CNTN4: variants seen among roughly 807,000 people sequenced by gnomAD.
CNTN4 encodes the protein contactin 4.
Under a neutral mutation model 122.5 loss-of-function variants are expected in CNTN4, and 77 were observed. That is an observed-to-expected ratio of 0.63 (90% confidence interval 0.52 to 0.76). The LOEUF (loss-of-function observed/expected upper bound fraction) is 0.76, where lower values mean the gene tolerates loss of function less well. Ranked by LOEUF, CNTN4 falls within the 30% of genes least tolerant of loss-of-function variation. CNTN4 has a pLI of 0.00. For missense variants in CNTN4, 1,256 were observed against 1,259.1 expected (o/e 1.00, Z 0.04); for synonymous variants, 512 against 447.0 (o/e 1.15, Z -1.83).
intron 10 of CNTN4, among the ~76,000 whole-genome samples, chr3:2,893,714 A>G (rs954292482): frequency 2.2e-4 from 33 of 152,208 alleles, no homozygotes; most frequent in African/African-American, 7.5e-4. Flanking sequence ...AATTCAAGTC[A>G]TCTCACTCTA....
At chr3:2,298,481 G>GA (rs2042390150) in intron 2 of CNTN4, among the ~76,000 whole-genome samples, 2 of 151,892 alleles carry the variant, frequency 1.3e-5, no homozygotes, top group Admixed American at 1.3e-4. Context: ...AAATGCCCTT[G>GA]AAAAAAATGG....
intron 3 of CNTN4, among the ~76,000 whole-genome samples, chr3:2,520,289 T>G (rs2077164615): frequency 9.2e-6 from 1 of 109,000 alleles, no homozygotes; most frequent in Non-Finnish European, 2.0e-5. Context: ...TTTTTTTTTT[T>G]TGAGATTGAG....
chr3:2,540,398 A>C (rs2077986541), intron 3 of CNTN4, among the ~76,000 whole-genome samples: 1 of 152,004 alleles, frequency 6.6e-6, no homozygotes, highest in African/African-American at 2.4e-5. Context: ...TTTCTCTTGC[A>C]GCAAAACAGA....
intron 2 of CNTN4, among the ~76,000 whole-genome samples, chr3:2,330,383 G>A (rs1211342453): frequency 6.6e-6 from 1 of 152,114 alleles, no homozygotes; most frequent in Admixed American, 6.5e-5. Context: ...CCATTGGCCA[G>A]TGGTGGTTGA....
At chr3:2,320,319 A>G (rs1410501080) in intron 2 of CNTN4, among the ~76,000 whole-genome samples, 1 of 152,198 alleles carries the variant, frequency 6.6e-6, no homozygotes, top group Non-Finnish European at 1.5e-5. Flanking sequence ...GCTACTTAAT[A>G]AAAAGTAATC....
In CNTN4 at chr3:2,106,522, A is replaced by G. The variant is rs140005861; in HGVS notation, c.-145+5883A>G. 5.1e-4 allele frequency among the ~76,000 whole-genome samples: 78 copies of G among 152,332 alleles called. 1 individual carries two copies. Among genetic ancestry groups the G allele is most frequent in the Non-Finnish European group, 4.1e-4 (28 of 68,028 alleles). On this transcript the variant is annotated intron_variant, in intron 2 of 24. Coordinates refer to ENST00000418658, the MANE Select transcript of CNTN4 (RefSeq NM_175607.3). ...CTTGGGGCTTACACCTTCCGAAGCAACAGCTTGAGCTATACCTTGGCCCCT... is the reference window on the plus strand; with the variant it reads ...CTTGGGGCTTACACCTTCCGAAGCAGCAGCTTGAGCTATACCTTGGCCCCT...
At chr3:2,729,720 C>G (rs539367370) in intron 4 of CNTN4, among the ~76,000 whole-genome samples, 7 of 152,048 alleles carry the variant, frequency 4.6e-5, no homozygotes, top group African/African-American at 1.7e-4. Context: ...CGAGACCGGC[C>G]TGACCAACAT....
At chr3:2,923,886 C>T (rs751564911) in intron 12 of CNTN4, among the ~76,000 whole-genome samples, 3 of 151,762 alleles carry the variant, frequency 2.0e-5, no homozygotes, top group East Asian at 1.9e-4. Context: ...TTTCATAAAC[C>T]CTACAATTTT....
chr3:2,217,786 T>C (rs1441676026), intron 2 of CNTN4, among the ~76,000 whole-genome samples: 1 of 152,210 alleles, frequency 6.6e-6, no homozygotes, highest in East Asian at 1.9e-4. Context: ...GAATCATAGA[T>C]GACCTTAGAA....
At chr3:2,666,104 C>T (rs2084145163) in intron 4 of CNTN4, among the ~76,000 whole-genome samples, 1 of 152,200 alleles carries the variant, frequency 6.6e-6, no homozygotes, top group Admixed American at 6.5e-5. Context: ...GTATCACACC[C>T]AAGCTAGCAA....
At chr3:2,654,846 G>GCTT (rs1020305778) in intron 4 of CNTN4, among the ~76,000 whole-genome samples, 5 of 152,038 alleles carry the variant, frequency 3.3e-5, no homozygotes, top group African/African-American at 1.2e-4. Flanking sequence ...CAGCTTCTTT[G>GCTT]CTTCTTCTTC....
chr3:2,477,257 C>T (rs2075860290), intron 3 of CNTN4, among the ~76,000 whole-genome samples: 2 of 152,194 alleles, frequency 1.3e-5, no homozygotes, highest in Admixed American at 1.3e-4. Flanking sequence ...CAGGCCAAAA[C>T]TGAAGGCTCC....
chr3:2,889,736 C>T (rs2094017366), intron 10 of CNTN4, among the ~76,000 whole-genome samples: 1 of 152,122 alleles, frequency 6.6e-6, no homozygotes, highest in South Asian at 2.1e-4. Flanking sequence ...GTCATTTTAA[C>T]TTTCATGATT....
chr3:2,943,005 G>T (rs1452692194), intron 13 of CNTN4, among the ~76,000 whole-genome samples: 1 of 152,158 alleles, frequency 6.6e-6, no homozygotes, highest in African/African-American at 2.4e-5. Flanking sequence ...AGAAGGAAAT[G>T]CAAGATTATA....
intron 12 of CNTN4, among the ~76,000 whole-genome samples, chr3:2,919,446 A>G (rs1413454281): frequency 1.3e-5 from 2 of 151,908 alleles, no homozygotes; most frequent in East Asian, 1.9e-4. Context: ...TCAACTTTGT[A>G]TCAAGCACCG....
chr3:2,419,652 A>G (rs569832630), intron 3 of CNTN4, among the ~76,000 whole-genome samples: 383 of 152,314 alleles, frequency 2.5e-3, no homozygotes, highest in African/African-American at 8.9e-3. Context: ...AGTTTTTAAA[A>G]CTTACTTCCA....
intron 6 of CNTN4, among the ~76,000 whole-genome samples, chr3:2,776,460 G>C (rs750215091): frequency 8.5e-5 from 13 of 152,058 alleles, no homozygotes; most frequent in Non-Finnish European, 1.6e-4. Context: ...AATAAGGTAG[G>C]AAATTAATCT....
intron 6 of CNTN4, among the ~76,000 whole-genome samples, chr3:2,766,103 G>A (rs2090845559): frequency 1.3e-5 from 2 of 152,170 alleles, no homozygotes; most frequent in Non-Finnish European, 2.9e-5. Flanking sequence ...AGTCACAATA[G>A]GGCTTCCTTT....
At chr3:2,460,835 C>T (rs1188084029) in intron 3 of CNTN4, among the ~76,000 whole-genome samples, 2 of 152,210 alleles carry the variant, frequency 1.3e-5, no homozygotes, top group Non-Finnish European at 2.9e-5. Context: ...ATTTGAGTAA[C>T]TACTGTGTGT....
Sources: allele counts gnomAD v4.1 joint callset (sites outside exome capture counted in the v4.1 genomes callset), GRCh38; gene constraint gnomAD v4.1.1; transcripts MANE v1.5; gene names NCBI Gene and HGNC (gene_info 2026-07-23, HGNC 2026-07-21).